The following KLHDC3 variants were observed in gnomAD, a reference collection of about 807,000 sequenced individuals.
The protein encoded by KLHDC3 is kelch domain-containing protein 3.
KLHDC3 carries 5 observed loss-of-function variants against 44.1 expected under a neutral mutation model. That is an observed-to-expected ratio of 0.11 (90% confidence interval 0.06 to 0.24). The LOEUF (loss-of-function observed/expected upper bound fraction) is 0.24. KLHDC3 is among the 10% of genes least tolerant of loss of function. The pLI, the probability that KLHDC3 is intolerant of heterozygous loss-of-function variation, is 1.00. For missense variants in KLHDC3, 247 were observed against 514.3 expected (o/e 0.48, Z 5.03); for synonymous variants, 170 against 189.0 (o/e 0.90, Z 0.82).
rs1437335417 is a variant in KLHDC3, at chr6:43,017,563, C to T, written c.199C>T (p.Arg67Cys). Reference protein sequence around the residue: ...TKLPPVKSAIRGQAPVVPYMR... With the variant: ...TKLPPVKSAICGQAPVVPYMR... ...GCTGCCCCCGGTGAAGTCTGCCATCCGTGGGCAAGCTCCTGTGGTACCCTA... is the reference window on the plus strand; with the variant it reads ...GCTGCCCCCGGTGAAGTCTGCCATCTGTGGGCAAGCTCCTGTGGTACCCTA... Residue 67 changes from arginine (R) to cysteine (C), a missense_variant, in exon 3 of 11, where the codon CGT becomes TGT. Arg to Cys is a radical substitution (Grantham distance 180, BLOSUM62 -3). Around this residue, in one of 2 missense-constraint regions of KLHDC3, gnomAD observed 71 missense variants for 100.8 expected, o/e 0.70. Coordinates refer to ENST00000326974, the MANE Select transcript of KLHDC3 (RefSeq NM_057161.4). The surrounding 1 kb of genome is among the most constrained non-coding windows in gnomAD (Gnocchi z 6.0). 7.4e-6 allele frequency: 12 copies of T among 1,611,534 alleles called. No homozygotes were observed. Among genetic ancestry groups the T allele is most frequent in the Admixed American group, 5.0e-5 (3 of 59,784 alleles).
rs200646992 is a variant in KLHDC3, at chr6:43,017,316, C to T, written c.124C>T (p.Arg42Cys). Residue 42 changes from arginine to cysteine, a missense_variant, in exon 2 of 11, where the codon CGT becomes TGT. Arg to Cys is a radical substitution (Grantham distance 180, BLOSUM62 -3). This residue lies in a region of KLHDC3 where 71 missense variants were observed against 100.8 expected (regional missense o/e 0.70). Transcript: ENST00000326974. This position sits in a 1 kb window ranked among gnomAD's most constrained non-coding sequence, Gnocchi z 6.0. ...YCSGEDYETL[R>C]QIDVHIFNAV... ...CTCTGGTGAAGACTATGAGACACTG[C>T]GTCAGATAGATGTGCACATTTTCAA... The T allele has an allele frequency of 3.7e-6, 6 of 1,613,978 alleles. No homozygotes were observed. Among genetic ancestry groups the T allele is most frequent in the South Asian group, 3.3e-5 (3 of 91,070 alleles).
chr6:43,018,424 C>T lies in KLHDC3; in HGVS notation c.601C>T (p.Arg201Cys). Residue 201 changes from arginine (R) to cysteine (C), a missense_variant, in exon 6 of 11, where the codon CGC becomes TGC. This residue lies in a region of KLHDC3 where 176 missense variants were observed against 413.5 expected (regional missense o/e 0.43). Transcript: ENST00000326974. This position sits in a 1 kb window ranked among gnomAD's most constrained non-coding sequence, Gnocchi z 6.0. ...GTATGTCTTTGGGGGCCGTGCCGAC[C>T]GCTTTGGGCCATTCCATTCCAACAA... ...HMYVFGGRAD[R>C]FGPFHSNNEI... The T allele has an allele frequency of 1.9e-6, 3 of 1,614,156 alleles. No homozygotes were observed. The highest frequency in any genetic ancestry group is 2.5e-6 in the Non-Finnish European group (3 of 1,180,024).
chr6:43,020,074 G>T (rs2150292914), intron 10 of KLHDC3, among the ~76,000 whole-genome samples: 1 of 152,266 alleles, frequency 6.6e-6, no homozygotes, highest in South Asian at 2.1e-4. Flanking sequence ...TACTTGGGAG[G>T]TTGAGGCAAG....
intron 1 of KLHDC3, 69 bp downstream of exon 1, chr6:43,014,417 T>G (rs1581872785): frequency 3.9e-5 from 12 of 305,864 alleles, no homozygotes; most frequent in African/African-American, 1.8e-4. Context: ...GGAGCTGGAG[T>G]GGCGGGGGAG....
chr6:43,018,321 C>T lies in KLHDC3; in HGVS notation c.520-22C>T, dbSNP rs1762622242. 6.2e-7 allele frequency: 1 copy of T among 1,607,990 alleles called. No homozygotes were observed. Among genetic ancestry groups the T allele is most frequent in the Admixed American group, 1.7e-5 (1 of 59,998 alleles). On this transcript the variant is annotated intron_variant, in intron 5 of 10. Coordinates refer to ENST00000326974, the MANE Select transcript of KLHDC3 (RefSeq NM_057161.4). This position sits in a 1 kb window ranked among gnomAD's most constrained non-coding sequence, Gnocchi z 6.0. ...TCCAGTCTTTGTGCTGACCCCTCCA[C>T]CATCTCTCTGCCTCTGCCCAGGGCA...
intron 10 of KLHDC3, 26 bp downstream of exon 10, chr6:43,019,392 G>A (rs1762643813): frequency 6.6e-7 from 1 of 1,522,780 alleles, no homozygotes; most frequent in Non-Finnish European, 9.1e-7. Context: ...GGAAGGGAGG[G>A]ATTGAGTGAG....
intron 10 of KLHDC3, 53 bp from the exon 11 acceptor site, chr6:43,020,614 A>AGCTT: frequency 4.2e-6 from 6 of 1,440,096 alleles, no homozygotes; most frequent in Non-Finnish European, 5.9e-6. Flanking sequence ...AACATCCCTT[A>AGCTT]GCTTGGGCTG....
intron 1 of KLHDC3, among the ~76,000 whole-genome samples, chr6:43,016,092 T>TGG: frequency 6.6e-6 from 1 of 152,020 alleles, no homozygotes; most frequent in East Asian, 2.0e-4. Flanking sequence ...CGCGCCACCG[T>TGG]GCCCAGCTAA....
rs779220096 is a variant in KLHDC3, at chr6:43,018,574, C to G, written c.733+18C>G. ...CTCGGCCTGTGAGTGTTTGTTACTTCCCTGTGGAGTTCCCTTCCTGCCCTC... is the reference window on the plus strand; with the variant it reads ...CTCGGCCTGTGAGTGTTTGTTACTTGCCTGTGGAGTTCCCTTCCTGCCCTC... On this transcript the variant is annotated intron_variant, in intron 6 of 10. Coordinates refer to ENST00000326974, the MANE Select transcript of KLHDC3 (RefSeq NM_057161.4). This position sits in a 1 kb window ranked among gnomAD's most constrained non-coding sequence, Gnocchi z 6.0. 6.2e-7 allele frequency: 1 copy of G among 1,613,274 alleles called. No individual in the cohort carries two copies. The highest frequency in any genetic ancestry group is 8.5e-7 in the Non-Finnish European group (1 of 1,179,288).
At chr6:43,015,100 G>C (rs1192920515) in intron 1 of KLHDC3, among the ~76,000 whole-genome samples, 1 of 152,140 alleles carries the variant, frequency 6.6e-6, no homozygotes, top group Non-Finnish European at 1.5e-5. Flanking sequence ...CATATCTGAA[G>C]GGAAGAATAG....
At position 43,018,932 on chromosome 6, in the gene KLHDC3, G is replaced by A. The variant is rs951368195; in HGVS notation, c.890G>A (p.Cys297Tyr). The A allele has an allele frequency of 6.2e-7, 1 of 1,612,892 alleles. No individual in the cohort carries two copies. The highest frequency in any genetic ancestry group is 8.5e-7 in the Non-Finnish European group (1 of 1,179,382). The part of the protein sequence containing the change: ...GPCPRRRQCC[C>Y]IVGDKIVLFG... ...TGTCCCCGCCGGCGCCAGTGCTGCT[G>A]TATTGTTGGTGACAAGATTGTCCTC... The change falls in exon 8 of 11, where the codon TGT (cysteine) becomes TAT (tyrosine). Residue 297 changes from cysteine (C) to tyrosine (Y), a missense_variant. Physicochemically the swap from Cys to Tyr is radical, Grantham distance 194. Transcript: ENST00000326974. The surrounding 1 kb of genome is among the most constrained non-coding windows in gnomAD (Gnocchi z 6.0).
chr6:43,017,772 C>A lies in KLHDC3; in HGVS notation c.331+77C>A. On this transcript the variant is annotated intron_variant, in intron 3 of 10. Coordinates refer to ENST00000326974, the MANE Select transcript of KLHDC3 (RefSeq NM_057161.4). The surrounding 1 kb of genome is among the most constrained non-coding windows in gnomAD (Gnocchi z 6.0). ...CCCAAGAAAGGTTTGGGTTGGGGGT[C>A]TTGGGGAGTAGAGTACCCCAGAGCT... The A allele has an allele frequency of 6.3e-7, 1 of 1,591,938 alleles. No individual in the cohort carries two copies. Among genetic ancestry groups the A allele is most frequent in the South Asian group, 1.1e-5 (1 of 90,632 alleles).
chr6:43,014,984 C>A (rs1762525998), intron 1 of KLHDC3, among the ~76,000 whole-genome samples: 1 of 152,106 alleles, frequency 6.6e-6, no homozygotes, highest in Non-Finnish European at 1.5e-5. Context: ...GGCTTGTTCT[C>A]CTTGAATTTG....
At position 43,018,804 on chromosome 6, in the gene KLHDC3, G is replaced by T. The variant is rs1581878586; in HGVS notation, c.821-59G>T. 6 of 1,544,594 alleles carry T rather than the reference G, an allele frequency of 3.9e-6. No homozygotes were observed. In the East Asian group the frequency reaches 1.3e-4, roughly 35 times the overall value. On this transcript the variant is annotated intron_variant, in intron 7 of 10. Transcript: ENST00000326974. This position sits in a 1 kb window ranked among gnomAD's most constrained non-coding sequence, Gnocchi z 6.0. ...ATAATCCTGAGGCGGTGAGGGATGG[G>T]GGTGGGGAAGATACCTGGACTAGGC...
Position 43,018,792 on chromosome 6 carries a change from G to C in KLHDC3, c.821-71G>C. 6.5e-7 allele frequency: 1 copy of C among 1,549,146 alleles called. No homozygotes were observed. The highest frequency in any genetic ancestry group is 8.9e-7 in the Non-Finnish European group (1 of 1,120,790). ...GAGGAAAAGAAAATAATCCTGAGGC[G>C]GTGAGGGATGGGGGTGGGGAAGATA... On this transcript the variant is annotated intron_variant, in intron 7 of 10. Transcript: ENST00000326974. This position sits in a 1 kb window ranked among gnomAD's most constrained non-coding sequence, Gnocchi z 6.0.
chr6:43,021,104 C>G lies in KLHDC3; in HGVS notation c.*371C>G. On this transcript the variant is annotated 3_prime_UTR_variant, in exon 11 of 11. Transcript: ENST00000326974. ...GCTTCCCCCTCCCCCTTTGCCTATCCCCTCCCCTCTGCTTGAGCCTTGAGC... is the reference window on the plus strand; with the variant it reads ...GCTTCCCCCTCCCCCTTTGCCTATCGCCTCCCCTCTGCTTGAGCCTTGAGC... 1 of 477,492 alleles carries G rather than the reference C, an allele frequency of 2.1e-6. No individual in the cohort carries two copies. Among genetic ancestry groups the G allele is most frequent in the African/African-American group, 2.0e-5 (1 of 50,978 alleles). 29.6% of individuals were successfully genotyped at this position (477,492 alleles called of 1,614,324 possible). A position where few individuals can be genotyped will look rare whatever the true frequency, so the allele number is the denominator to read the frequency against.
rs1762611795 is a variant in KLHDC3 at position 43,017,755 on chromosome 6, A to C, written c.331+60A>C. On this transcript the variant is annotated intron_variant, in intron 3 of 10. Coordinates refer to ENST00000326974, the MANE Select transcript of KLHDC3 (RefSeq NM_057161.4). This position sits in a 1 kb window ranked among gnomAD's most constrained non-coding sequence, Gnocchi z 6.0. ...AGATGTTGCCTCAGTTGCCCAAGAA[A>C]GGTTTGGGTTGGGGGTCTTGGGGAG... 1 of 1,599,052 alleles carries C rather than the reference A, an allele frequency of 6.3e-7. No homozygotes were observed. Among genetic ancestry groups the C allele is most frequent in the Admixed American group, 1.7e-5 (1 of 59,736 alleles).
In KLHDC3 at chr6:43,017,477, C is replaced by T; in HGVS notation, c.155-42C>T. 4 of 1,565,118 alleles carry T rather than the reference C, an allele frequency of 2.6e-6. No individual in the cohort carries two copies. Among genetic ancestry groups the T allele is most frequent in the Middle Eastern group, 1.7e-4 (1 of 5,796 alleles). ...ATCTGGTTTGGGAAAAGTGGACAGC[C>T]TGGAGGGAGGTTCCCAGGGCTGAGC... On this transcript the variant is annotated intron_variant, in intron 2 of 10. Coordinates refer to ENST00000326974, the MANE Select transcript of KLHDC3 (RefSeq NM_057161.4). This position sits in a 1 kb window ranked among gnomAD's most constrained non-coding sequence, Gnocchi z 6.0.
Position 43,017,052 on chromosome 6 carries a change from G to A in KLHDC3, c.-59-82G>A. 1.5e-5 allele frequency: 14 copies of A among 962,854 alleles called. No homozygotes were observed. In the South Asian group the frequency reaches 1.8e-4, roughly 13 times the overall value. 59.6% of individuals were successfully genotyped at this position (962,854 alleles called of 1,614,324 possible). On this transcript the variant is annotated intron_variant, in intron 1 of 10. Transcript: ENST00000326974. This position sits in a 1 kb window ranked among gnomAD's most constrained non-coding sequence, Gnocchi z 6.0. ...AGGGCCCCCAGGGTGACACTTGGAG[G>A]CAAAGGCTGGTTCTGGGCAGAGTCA...
Sources: allele counts gnomAD v4.1 joint callset (sites outside exome capture counted in the v4.1 genomes callset), GRCh38; gene constraint gnomAD v4.1.1; regional missense constraint gnomAD v4.1.1; non-coding constraint Gnocchi (gnomAD v3.1); transcripts MANE v1.5; gene names NCBI Gene and HGNC (gene_info 2026-07-23, HGNC 2026-07-21).